The following MRTFA variants were observed in gnomAD, a reference collection of about 807,000 sequenced individuals.
The protein encoded by MRTFA is myocardin related transcription factor A, also known as myocardin-related transcription factor A.
MRTFA carries 20 observed loss-of-function variants against 83.5 expected under a neutral mutation model. That is an observed-to-expected ratio of 0.24 (90% CI 0.17 to 0.35). The LOEUF (loss-of-function observed/expected upper bound fraction) is 0.35, where lower values mean the gene tolerates loss of function less well. MRTFA is among the 10% of genes least tolerant of loss of function. The pLI is 1.00. For synonymous variants in MRTFA, 659 were observed against 541.2 expected (o/e 1.22, Z -3.02); for missense variants, 1,200 against 1,224.7 (o/e 0.98, Z 0.30).
chr22:40,631,510 C>T (rs548475054), intron 1 of MRTFA, among the ~76,000 whole-genome samples: 2 of 152,036 alleles, frequency 1.3e-5, no homozygotes, highest in African/African-American at 2.4e-5. Flanking sequence ...TACACACGGC[C>T]GGCAAGTAGA....
rs139427523 is a variant in MRTFA, at chr22:40,543,749, A to G, written c.241+8357T>C. On this transcript the variant is annotated intron_variant, in intron 3 of 14. Transcript: ENST00000355630. ...CAAAAGATCTAAATAAATGTGGAAAATATGTATTTACAGTATAATATTATA... is the reference window on the plus strand; with the variant it reads ...CAAAAGATCTAAATAAATGTGGAAAGTATGTATTTACAGTATAATATTATA... 2.3e-4 allele frequency among the ~76,000 whole-genome samples: 35 copies of G among 152,350 alleles called. No homozygotes were observed. In the East Asian group the frequency reaches 5.8e-3, roughly 25 times the overall value.
chr22:40,567,682 A>T (rs900194187), intron 2 of MRTFA, among the ~76,000 whole-genome samples: 4 of 152,050 alleles, frequency 2.6e-5, no homozygotes, highest in African/African-American at 4.8e-5. Flanking sequence ...TGAATAATAT[A>T]AAAAAAACTA....
intron 1 of MRTFA, among the ~76,000 whole-genome samples, chr22:40,625,916 T>C (rs766009182): frequency 6.6e-6 from 1 of 150,780 alleles, no homozygotes; most frequent in Admixed American, 6.6e-5. Flanking sequence ...GGCTCTTGCA[T>C]AGAAGCTTTA....
At chr22:40,594,533 GGCAC>G (rs2147383590) in intron 2 of MRTFA, 137 bp downstream of exon 2, 1 of 151,658 alleles carries the variant, frequency 6.6e-6, no homozygotes, top group Non-Finnish European at 1.5e-5. Context: ...ACCATCAGGA[GGCAC>G]GATGAGTGAG....
At chr22:40,442,780 A>C (rs1399636640) in intron 4 of MRTFA, among the ~76,000 whole-genome samples, 4 of 152,204 alleles carry the variant, frequency 2.6e-5, no homozygotes, top group Non-Finnish European at 5.9e-5. Flanking sequence ...GGAACACCAA[A>C]GCCAGACAAG....
At chr22:40,621,196 A>AAAG (rs1556028911) in intron 1 of MRTFA, among the ~76,000 whole-genome samples, 1 of 151,926 alleles carries the variant, frequency 6.6e-6, no homozygotes, top group Non-Finnish European at 1.5e-5. Context: ...AAAAAAAAAA[A>AAAG]AAGAAGAAGA....
chr22:40,502,658 G>C (rs868799313), intron 3 of MRTFA, among the ~76,000 whole-genome samples: 26 of 150,340 alleles, frequency 1.7e-4, no homozygotes, highest in Middle Eastern at 3.4e-3. Context: ...GGTGGCGGCC[G>C]GGCAGAGGCT....
At chr22:40,457,724 A>G (rs1285204328) in intron 4 of MRTFA, among the ~76,000 whole-genome samples, 1 of 152,208 alleles carries the variant, frequency 6.6e-6, no homozygotes, top group African/African-American at 2.4e-5. Context: ...AGGTTTTTCT[A>G]CTACTGGCAC....
At chr22:40,498,474 G>A (rs1377309554) in intron 3 of MRTFA, among the ~76,000 whole-genome samples, 2 of 150,246 alleles carry the variant, frequency 1.3e-5, no homozygotes, top group East Asian at 2.0e-4. Flanking sequence ...TTGTAGAGAT[G>A]AGGTTTCACC....
chr22:40,588,771 C>T (rs1318820627), intron 2 of MRTFA, among the ~76,000 whole-genome samples: 1 of 152,136 alleles, frequency 6.6e-6, no homozygotes, highest in Non-Finnish European at 1.5e-5. Context: ...TGCTCGAGCC[C>T]AGGAGTTCGA....
intron 2 of MRTFA, among the ~76,000 whole-genome samples, chr22:40,589,977 G>A (rs1004873065): frequency 2.3e-4 from 34 of 148,244 alleles, no homozygotes; most frequent in African/African-American, 7.0e-4. Context: ...AGCTGAGATC[G>A]TACCACTGCA....
intron 3 of MRTFA, among the ~76,000 whole-genome samples, chr22:40,504,224 G>T (rs2054544055): frequency 6.6e-6 from 1 of 152,116 alleles, no homozygotes; most frequent in African/African-American, 2.4e-5. Context: ...TAAGACTCAA[G>T]TTCTTGTAGC....
rs35391015 is a variant in MRTFA at position 40,494,679 on chromosome 22, T to TAA, written c.242-31395_242-31394dup. 1.1e-3 allele frequency among the ~76,000 whole-genome samples: 148 copies of TAA among 137,012 alleles called. 1 individual carries two copies. The Middle Eastern group carries it at 0.023, about 21-fold the overall frequency. The allele number at this position is 137,012 out of a possible 152,430, so 89.9% of individuals were successfully genotyped here. A position where few individuals can be genotyped will look rare whatever the true frequency, so the allele number is the denominator to read the frequency against. ...CTGGGTAACAGAGCCAGACTCTGTCTAAAAAAAAAAAAAAAATTATGGTAC... is the reference window on the plus strand; with the variant it reads ...CTGGGTAACAGAGCCAGACTCTGTCTAAAAAAAAAAAAAAAAAATTATGGTAC... On this transcript the variant is annotated intron_variant, in intron 3 of 14. Transcript: ENST00000355630.
At chr22:40,427,768 G>C (rs1185857820) in intron 7 of MRTFA, among the ~76,000 whole-genome samples, 2 of 152,124 alleles carry the variant, frequency 1.3e-5, no homozygotes, top group Admixed American at 1.3e-4. Context: ...GATAATCTGG[G>C]AGAGACTAAG....
intron 2 of MRTFA, among the ~76,000 whole-genome samples, chr22:40,594,158 G>C (rs531348105): frequency 2.6e-4 from 40 of 152,312 alleles, no homozygotes; most frequent in African/African-American, 8.9e-4. Flanking sequence ...GTTACAGATG[G>C]ACAGATCCTG....
Position 40,418,948 on chromosome 22 carries a change from A to C in MRTFA, c.1790T>G (p.Leu597Arg). Residue 597 changes from leucine to arginine, a missense_variant, in exon 12 of 15, where the codon CTC (leucine) becomes CGC (arginine). By Grantham distance (102) the Leu-to-Arg change is moderately radical (BLOSUM62 -2). Around this residue, in one of 2 missense-constraint regions of MRTFA, gnomAD observed 1,107 missense variants for 1,041.8 expected, o/e 1.06. Coordinates refer to ENST00000355630, the MANE Select transcript of MRTFA (RefSeq NM_020831.6). ...GGCCCGGGGGCCCTCCTCCTTCACG[A>C]GGATCTGCAGTGGCGAGGCCTGCAG... 1 of 1,612,718 alleles carries C rather than the reference A, an allele frequency of 6.2e-7. No individual in the cohort carries two copies. The highest frequency in any genetic ancestry group is 8.5e-7 in the Non-Finnish European group (1 of 1,179,868).
chr22:40,611,220 T>A lies in MRTFA; in HGVS notation c.-83-16485A>T, dbSNP rs568221988. Among the ~76,000 whole-genome samples the A allele has an allele frequency of 4.6e-5, 7 of 152,232 alleles. No homozygotes were observed. In the South Asian group the frequency reaches 1.2e-3, roughly 27 times the overall value. ...TCCCAAAGTGCTGGGATTACAGGCG[T>A]GAGCCACTGCGCCCAGCCTATTTTT... is the stretch of plus-strand genomic sequence containing the variant. On this transcript the variant is annotated intron_variant, in intron 1 of 14. Transcript: ENST00000355630.
At chr22:40,457,476 A>AAG (rs1303605721) in intron 4 of MRTFA, among the ~76,000 whole-genome samples, 1 of 146,766 alleles carries the variant, frequency 6.8e-6, no homozygotes, top group African/African-American at 2.5e-5. Context: ...GAAAGAAAGA[A>AAG]AGAAAGAAAG....
chr22:40,418,986 C>T lies in MRTFA; in HGVS notation c.1752G>A (p.Leu584=). The change falls in exon 12 of 15, where the codon CTG becomes CTA. Residue 584 remains leucine, a synonymous_variant. Coordinates refer to ENST00000355630, the MANE Select transcript of MRTFA (RefSeq NM_020831.6). ...GCGAGGCCTGCAGGGTCAGCTGCGT[C>T]AGAGGTGATGTCACCATCTCACCAA... 6.2e-7 allele frequency: 1 copy of T among 1,612,878 alleles called. No individual in the cohort carries two copies. The highest frequency in any genetic ancestry group is 8.5e-7 in the Non-Finnish European group (1 of 1,179,928).
Sources: gnomAD v4.1 joint callset for allele counts (sites outside exome capture counted in the v4.1 genomes callset) on GRCh38, gnomAD v4.1.1 for gene constraint, gnomAD v4.1.1 regional missense constraint, MANE v1.5 for transcripts, NCBI Gene and HGNC (gene_info 2026-07-23, HGNC 2026-07-21) for gene names.